The following LAMA3 variants were observed in gnomAD, a reference collection of about 807,000 sequenced individuals.
The protein encoded by LAMA3 is laminin subunit alpha-3.
In LAMA3, 281 loss-of-function variants were observed where a neutral mutation model predicts 402.0. That is an observed-to-expected ratio of 0.70 (90% confidence interval 0.63 to 0.77). The LOEUF (loss-of-function observed/expected upper bound fraction) is 0.77. Among genes scored for constraint, LAMA3 ranks in the 30% least tolerant of loss-of-function variants. The probability of loss-of-function intolerance (pLI) is 0.00; values close to 1 mark genes in which losing one functional copy is unlikely to be tolerated. For synonymous variants in LAMA3, 1,431 were observed against 1,558.4 expected, an observed-to-expected ratio of 0.92 and a Z score of 1.93; for missense variants, 3,840 against 4,215.5, an observed-to-expected ratio of 0.91 and a Z score of 2.47.
chr18:23,845,010 T>A lies in LAMA3; in HGVS notation c.3605T>A (p.Val1202Asp), dbSNP rs1365720895. 6.5e-7 allele frequency: 1 copy of A among 1,543,480 alleles called. No individual in the cohort carries two copies. The highest frequency in any genetic ancestry group is 2.2e-5 in the East Asian group (1 of 44,554). ...GACATGCTGGTGGATTTCTTTCAGG[T>A]CCGTGTTCTAGTGGTGCCTGCAGAA... The part of the protein sequence containing the change: ...KVPEGKSLVL[V>D]RVLVVPAENY... The change falls in exon 30 of 75, where the codon GTC becomes GAC. Residue 1202 changes from valine to aspartate, a missense_variant and splice_region_variant. Physicochemically the swap from Val to Asp is radical, Grantham distance 152. Transcript: ENST00000313654.
At chr18:23,951,564 G>A (rs922217328) in intron 72 of LAMA3, 120 bp from the exon 73 acceptor site, 60 of 731,904 alleles carry the variant, frequency 8.2e-5, no homozygotes, top group Non-Finnish European at 7.4e-6. Context: ...GCGGAGGAGG[G>A]CCAATATCTA....
intron 3 of LAMA3, among the ~76,000 whole-genome samples, chr18:23,748,947 TGATGA>T (rs1207703554): frequency 6.6e-6 from 1 of 152,204 alleles, no homozygotes. Flanking sequence ...AGCTGTGAAT[TGATGA>T]GATGACTTTA....
At chr18:23,913,140 T>A (rs1406344311) in intron 56 of LAMA3, among the ~76,000 whole-genome samples, 2 of 152,200 alleles carry the variant, frequency 1.3e-5, no homozygotes, top group Non-Finnish European at 2.9e-5. Context: ...GGCATGTGTG[T>A]GTACATGTAA....
Position 23,747,924 on chromosome 18 carries a change from A to G in LAMA3, c.448-19A>G. On this transcript the variant is annotated intron_variant, in intron 2 of 74. Transcript: ENST00000313654. ...TCGATGAGATGACATTAATAACTGT[A>G]TCTCTTTTGTTTTATCAGCTCTTCC... 1 of 1,302,776 alleles carries G rather than the reference A, an allele frequency of 7.7e-7. No homozygotes were observed. The highest frequency in any genetic ancestry group is 1.5e-5 in the African/African-American group (1 of 68,856). 80.7% of individuals were successfully genotyped at this position (1,302,776 alleles called of 1,614,324 possible).
chr18:23,755,554 A>C (rs2061827988), intron 6 of LAMA3, among the ~76,000 whole-genome samples: 1 of 152,218 alleles, frequency 6.6e-6, no homozygotes, highest in Admixed American at 6.5e-5. Flanking sequence ...AAGCCTGGAC[A>C]ATCAGAAAAA....
intron 32 of LAMA3, among the ~76,000 whole-genome samples, chr18:23,849,147 C>T (rs2063889706): frequency 6.6e-6 from 1 of 152,214 alleles, no homozygotes. Flanking sequence ...GGGGGTAGAA[C>T]TTGGACAGAT....
intron 41 of LAMA3, among the ~76,000 whole-genome samples, chr18:23,885,360 C>CA (rs2065041458): frequency 7.3e-6 from 1 of 136,826 alleles, no homozygotes; most frequent in Non-Finnish European, 1.6e-5. Flanking sequence ...ACCCCACACA[C>CA]ACCCCTCTAT....
intron 7 of LAMA3, among the ~76,000 whole-genome samples, chr18:23,760,939 C>T (rs1216395057): frequency 6.6e-6 from 1 of 152,108 alleles, no homozygotes; most frequent in East Asian, 1.9e-4. Context: ...GCACTTATCA[C>T]CTCCCAGAGG....
At chr18:23,714,195 T>A in intron 2 of LAMA3, 123 bp downstream of exon 2, 1 of 981,038 alleles carries the variant, frequency 1.0e-6, no homozygotes, top group Non-Finnish European at 1.5e-6. Context: ...TCATCATTGT[T>A]AAACCTGTTA....
intron 3 of LAMA3, 138 bp from the exon 4 acceptor site, chr18:23,749,290 C>A: frequency 1.6e-6 from 1 of 608,706 alleles, no homozygotes; most frequent in East Asian, 2.8e-5. Context: ...CCATTATCAG[C>A]CTTTCTCTAA....
intron 14 of LAMA3, 131 bp from the exon 15 acceptor site, chr18:23,814,272 T>C (rs1568211945): frequency 1.4e-6 from 1 of 712,844 alleles, no homozygotes; most frequent in South Asian, 1.5e-5. Context: ...CCAGTATTTT[T>C]TCCCCCTGGA....
intron 1 of LAMA3, chr18:23,710,044 TG>T: frequency 1.3e-6 from 1 of 772,738 alleles, no homozygotes; most frequent in South Asian, 1.3e-5. Flanking sequence ...GCGGACTCAG[TG>T]GTCAGCAGAA....
intron 67 of LAMA3, among the ~76,000 whole-genome samples, chr18:23,938,288 T>C (rs2082373684): frequency 6.6e-6 from 1 of 152,168 alleles, no homozygotes; most frequent in African/African-American, 2.4e-5. Context: ...CCCTTTGCTT[T>C]GACTGATGGA....
intron 12 of LAMA3, among the ~76,000 whole-genome samples, chr18:23,808,531 C>T (rs999630321): frequency 6.6e-6 from 1 of 152,130 alleles, no homozygotes; most frequent in African/African-American, 2.4e-5. Flanking sequence ...GGCCTTCAAT[C>T]AATGTCTGCT....
At position 23,903,254 on chromosome 18, in the gene LAMA3, A is replaced by T. The variant is rs891277; in HGVS notation, c.6318+129A>T. The T allele has an allele frequency of 1, 678,587 of 678,614 alleles. 339,280 individuals carry two copies. Among genetic ancestry groups the T allele is most frequent in the Middle Eastern group, 1 (2,572 of 2,572 alleles). 42.0% of individuals were successfully genotyped at this position (678,614 alleles called of 1,614,324 possible). A position where few individuals can be genotyped will look rare whatever the true frequency, so the allele number is the denominator to read the frequency against. ...AGTCTCTTAGATGGAAGAGAATATA[A>T]TGAAATGTTAACAATAGTTCTCTCT... On this transcript the variant is annotated intron_variant, in intron 49 of 74. Transcript: ENST00000313654.
At chr18:23,818,793 C>A (rs912467156) in intron 18 of LAMA3, among the ~76,000 whole-genome samples, 4 of 152,096 alleles carry the variant, frequency 2.6e-5, no homozygotes, top group Admixed American at 2.6e-4. Flanking sequence ...AATTCACATT[C>A]ATTACTTCAC....
chr18:23,896,360 A>T (rs2080872684), intron 44 of LAMA3, among the ~76,000 whole-genome samples: 1 of 152,196 alleles, frequency 6.6e-6, no homozygotes, highest in African/African-American at 2.4e-5. Flanking sequence ...AAAACAAAAA[A>T]CAAAAACAAA....
intron 1 of LAMA3, chr18:23,709,790 T>C: frequency 1.6e-6 from 1 of 617,918 alleles, no homozygotes; most frequent in Non-Finnish European, 3.0e-6. Context: ...TCTTTCTTTT[T>C]TTCTGGTGAA....
At chr18:23,831,349 G>C (rs143471739) in intron 23 of LAMA3, among the ~76,000 whole-genome samples, 335 of 152,080 alleles carry the variant, frequency 2.2e-3, no homozygotes, top group Non-Finnish European at 3.6e-3. Context: ...CTGTTTCTCT[G>C]CTCCTCTGAC....
Sources: gnomAD v4.1 joint callset for allele counts (sites outside exome capture counted in the v4.1 genomes callset) on GRCh38, gnomAD v4.1.1 for gene constraint, MANE v1.5 for transcripts, NCBI Gene and HGNC (gene_info 2026-07-23, HGNC 2026-07-21) for gene names.